Variants in ZBTB8A observed in about 807,000 individuals in gnomAD.
ZBTB8A encodes the protein zinc finger and BTB domain-containing protein 8A.
In ZBTB8A, 19 loss-of-function variants were observed where a neutral mutation model predicts 37.8. The observed-to-expected ratio is 0.50, with a 90% CI of 0.35 to 0.74. The LOEUF (loss-of-function observed/expected upper bound fraction) is 0.74, where lower values mean the gene tolerates loss of function less well. ZBTB8A is among the 30% of genes least tolerant of loss of function. The pLI is 0.01. For synonymous variants in ZBTB8A, 181 were observed against 185.2 expected (o/e 0.98, Z 0.19); for missense variants, 394 against 537.8 (o/e 0.73, Z 2.65).
intron 2 of ZBTB8A, among the ~76,000 whole-genome samples, chr1:32,591,112 T>C (rs1223709933): frequency 6.6e-6 from 1 of 151,248 alleles, no homozygotes; most frequent in Non-Finnish European, 1.5e-5. Flanking sequence ...TTTCGCCATG[T>C]TGGCCAGGCT....
In ZBTB8A at chr1:32,600,170, C is replaced by T. The variant is rs1376466705; in HGVS notation, c.1077C>T (p.Thr359=). 1.9e-6 allele frequency: 3 copies of T among 1,614,156 alleles called. No individual in the cohort carries two copies. Among genetic ancestry groups the T allele is most frequent in the Non-Finnish European group, 8.5e-7 (1 of 1,180,030 alleles). Reference sequence around the variant, plus strand: ...CAGGGCAAGTGGTACAGGAGGGAACCAGGCGCTACAGACTGTGTAATGAGT... The same window carrying T: ...CAGGGCAAGTGGTACAGGAGGGAACTAGGCGCTACAGACTGTGTAATGAGT... ...DLTGQVVQEG[T]RRYRLCNECL... Residue 359 remains threonine, a synonymous_variant, in exon 5 of 5, where the codon ACC becomes ACT. Transcript: ENST00000373510.
At chr1:32,542,644 T>G (rs1644066490) in intron 1 of ZBTB8A, among the ~76,000 whole-genome samples, 1 of 152,244 alleles carries the variant, frequency 6.6e-6, no homozygotes, top group Non-Finnish European at 1.5e-5. Flanking sequence ...ATCTTCAGTC[T>G]ACTCATAGAA....
chr1:32,580,328 C>G (rs1644393735), intron 2 of ZBTB8A, among the ~76,000 whole-genome samples: 1 of 152,084 alleles, frequency 6.6e-6, no homozygotes, highest in Non-Finnish European at 1.5e-5. Flanking sequence ...GAGGCTGAGG[C>G]AGGCAGATCA....
At chr1:32,556,074 A>T (rs1644199563) in intron 2 of ZBTB8A, among the ~76,000 whole-genome samples, 1 of 149,564 alleles carries the variant, frequency 6.7e-6, no homozygotes, top group Admixed American at 6.7e-5. Flanking sequence ...TTTTATTTTT[A>T]TTTATTTATT....
rs1424768898 is a variant in ZBTB8A at position 32,593,550 on chromosome 1, A to G, written c.619A>G (p.Ile207Val). 1 of 1,614,142 alleles carries G rather than the reference A, an allele frequency of 6.2e-7. No individual in the cohort carries two copies. Among genetic ancestry groups the G allele is most frequent in the Admixed American group, 1.7e-5 (1 of 60,010 alleles). The change falls in exon 3 of 5, where the codon ATT becomes GTT. Residue 207 changes from isoleucine (I) to valine (V), a missense_variant. This residue lies in a region of ZBTB8A where 171 missense variants were observed against 186.8 expected (regional missense o/e 0.92). Coordinates refer to ENST00000373510, the MANE Select transcript of ZBTB8A (RefSeq NM_001040441.3). The stretch of plus-strand genomic sequence containing the variant: ...CAAGCATGAACCAAGGAAAGAGTCC[A>G]TTAAAAAGACCAAACATTTGAGATT... ...LAKHEPRKES[I>V]KKTKHLRLSQ...
intron 1 of ZBTB8A, among the ~76,000 whole-genome samples, chr1:32,540,472 C>T (rs1433696064): frequency 2.0e-5 from 3 of 152,174 alleles, no homozygotes; most frequent in Non-Finnish European, 1.5e-5. Flanking sequence ...AAACAACCAC[C>T]TAGTCAGGCT....
Position 32,541,472 on chromosome 1 carries a change from G to T in ZBTB8A, c.-84+1900G>T, listed in dbSNP as rs555229459. Among the ~76,000 whole-genome samples the T allele has an allele frequency of 2.0e-4, 31 of 152,260 alleles. No homozygotes were observed. The South Asian group carries it at 6.4e-3, about 32-fold the overall frequency. ...ACCCAAATGCCATCTTCTCAATGAG[G>T]CTTTCCTCAACTATAGTTTTGATTC... On this transcript the variant is annotated intron_variant, in intron 1 of 4. Transcript: ENST00000373510.
intron 2 of ZBTB8A, among the ~76,000 whole-genome samples, chr1:32,572,434 T>C (rs532087418): frequency 6.6e-6 from 1 of 151,798 alleles, no homozygotes; most frequent in African/African-American, 2.4e-5. Context: ...CTCACTCTGT[T>C]ACCCAGGCTG....
intron 1 of ZBTB8A, among the ~76,000 whole-genome samples, chr1:32,553,124 G>A (rs1489024333): frequency 6.6e-6 from 1 of 151,338 alleles, no homozygotes; most frequent in Non-Finnish European, 1.5e-5. Context: ...CAGTGGCACA[G>A]TCTCAGCTCA....
rs762801492 is a variant in ZBTB8A, at chr1:32,598,223, A to ATT, written c.994-1838_994-1837dup. Among the ~76,000 whole-genome samples the ATT allele has an allele frequency of 1.4e-3, 119 of 86,022 alleles. 5 individuals carry two copies. The highest frequency in any genetic ancestry group is 1.9e-3 in the Admixed American group (14 of 7,350). The allele number at this position is 86,022 out of a possible 152,430, so 56.4% of individuals were successfully genotyped here. On this transcript the variant is annotated intron_variant, in intron 4 of 4. Transcript: ENST00000373510. ...TACCAGACTGTATTAGCTTTCTTGG[A>ATT]TTTTTTTTTTTTTTTTTTTTTTTTT...
intron 2 of ZBTB8A, among the ~76,000 whole-genome samples, chr1:32,579,450 CAAA>C (rs112657461): frequency 1.7e-5 from 2 of 115,496 alleles, no homozygotes. Context: ...GATTCCATCT[CAAA>C]AAAAAAAAAA....
intron 2 of ZBTB8A, among the ~76,000 whole-genome samples, chr1:32,556,302 T>C (rs1644201996): frequency 6.6e-6 from 1 of 151,950 alleles, no homozygotes; most frequent in Non-Finnish European, 1.5e-5. Flanking sequence ...ACTCCTGACC[T>C]CGTGATCCAC....
intron 2 of ZBTB8A, among the ~76,000 whole-genome samples, chr1:32,582,353 G>C (rs1237864362): frequency 6.6e-6 from 1 of 151,964 alleles, no homozygotes; most frequent in Non-Finnish European, 1.5e-5. Flanking sequence ...TTTGGATAAA[G>C]GATACTCAAC....
Position 32,601,726 on chromosome 1 carries a change from A to G in ZBTB8A, c.*1307A>G, listed in dbSNP as rs1231327108. On this transcript the variant is annotated 3_prime_UTR_variant, in exon 5 of 5. Transcript: ENST00000373510. ...CTGTATGTCTCCTGAAATGGCAAAG[A>G]ATAGAAGTCAAACCTCACCAGTTGG... is the stretch of plus-strand genomic sequence containing the variant. 1.5e-5 allele frequency: 6 copies of G among 398,410 alleles called. No individual in the cohort carries two copies. The highest frequency in any genetic ancestry group is 7.1e-5 in the East Asian group (2 of 28,060). 24.7% of individuals were successfully genotyped at this position (398,410 alleles called of 1,614,324 possible).
At chr1:32,557,453 T>C (rs1038974041) in intron 2 of ZBTB8A, among the ~76,000 whole-genome samples, 5 of 152,192 alleles carry the variant, frequency 3.3e-5, no homozygotes, top group African/African-American at 1.2e-4. Context: ...AAATAAACAT[T>C]AAATAACATT....
At chr1:32,563,077 C>A (rs1644255331) in intron 2 of ZBTB8A, among the ~76,000 whole-genome samples, 1 of 152,168 alleles carries the variant, frequency 6.6e-6, no homozygotes, top group South Asian at 2.1e-4. Flanking sequence ...CACATCCTTA[C>A]AAGGTACTTT....
In ZBTB8A at chr1:32,592,983, C is replaced by A; in HGVS notation, c.52C>A (p.Arg18Ser). Residue 18 changes from arginine to serine, a missense_variant, in exon 3 of 5, where the codon CGC becomes AGC. Coordinates refer to ENST00000373510, the MANE Select transcript of ZBTB8A (RefSeq NM_001040441.3). ...CCTCCTGCAGCAACTGAACGAGCAG[C>A]GCAGGCAAGATGTATTTTGTGACTG... is the stretch of plus-strand genomic sequence containing the variant. The part of the protein sequence containing the change: ...SHLLQQLNEQ[R>S]RQDVFCDCSI... 6.2e-7 allele frequency: 1 copy of A among 1,614,070 alleles called. No individual in the cohort carries two copies. Among genetic ancestry groups the A allele is most frequent in the Non-Finnish European group, 8.5e-7 (1 of 1,179,976 alleles).
chr1:32,558,592 G>A (rs1354364287), intron 2 of ZBTB8A, among the ~76,000 whole-genome samples: 1 of 152,046 alleles, frequency 6.6e-6, no homozygotes, highest in African/African-American at 2.4e-5. Context: ...TTACTTATTC[G>A]TTTGTTAGTC....
At chr1:32,590,998 A>G (rs980537576) in intron 2 of ZBTB8A, among the ~76,000 whole-genome samples, 1 of 149,636 alleles carries the variant, frequency 6.7e-6, no homozygotes, top group Non-Finnish European at 1.5e-5. Flanking sequence ...GGTTCAAGCA[A>G]TTCTCCTGCC....
Sources: allele counts gnomAD v4.1 joint callset (sites outside exome capture counted in the v4.1 genomes callset), GRCh38; gene constraint gnomAD v4.1.1; regional missense constraint gnomAD v4.1.1; transcripts MANE v1.5; gene names NCBI Gene and HGNC (gene_info 2026-07-23, HGNC 2026-07-21).